The following UMODL1 variants were observed in gnomAD, a reference collection of about 807,000 sequenced individuals.
UMODL1 encodes uromodulin-like 1.
UMODL1 carries 128 observed loss-of-function variants against 136.3 expected under a neutral mutation model. The observed-to-expected ratio is 0.94, with a 90% CI of 0.81 to 1.09. The LOEUF (loss-of-function observed/expected upper bound fraction) is 1.09. Among genes scored for constraint, UMODL1 ranks in the 50% least tolerant of loss-of-function variants. UMODL1 has a pLI of 0.00. For synonymous variants in UMODL1, 721 were observed against 720.0 expected, an observed-to-expected ratio of 1.00 and a Z score of -0.02; for missense variants, 1,766 against 1,725.6, an observed-to-expected ratio of 1.02 and a Z score of -0.41.
intron 2 of UMODL1, among the ~76,000 whole-genome samples, chr21:42,079,161 C>T (rs2066330864): frequency 6.6e-6 from 1 of 152,182 alleles, no homozygotes; most frequent in Non-Finnish European, 1.5e-5. Flanking sequence ...TCAGCAGCCC[C>T]TTCCTGCTCC....
At chr21:42,090,573 T>A (rs867655606) in intron 6 of UMODL1, 135 bp downstream of exon 6, 2 of 1,178,050 alleles carry the variant, frequency 1.7e-6, no homozygotes, top group Middle Eastern at 5.9e-4. Flanking sequence ...GCTTTTATTA[T>A]TATTTTCGCA....
At position 42,126,423 on chromosome 21, in the gene UMODL1, C is replaced by G. The variant is rs750178160; in HGVS notation, c.3226C>G (p.Leu1076Val). ...GGGCATCATCCACCACCTGAAGATC[C>G]TGAGCCCCATCTACTGCGCCTTCCA... Reference protein sequence around the residue: ...QEGIIHHLKILSPIYCAFQND... With the variant: ...QEGIIHHLKIVSPIYCAFQND... The change falls in exon 18 of 23, where the codon CTG (leucine) becomes GTG (valine). Residue 1076 changes from leucine to valine, a missense_variant. Leu to Val is a conservative substitution (Grantham distance 32). Transcript: ENST00000408910. 1 of 1,614,222 alleles carries G rather than the reference C, an allele frequency of 6.2e-7. No homozygotes were observed. Among genetic ancestry groups the G allele is most frequent in the Non-Finnish European group, 8.5e-7 (1 of 1,180,040 alleles).
At chr21:42,067,857 G>A (rs921697808), upstream of UMODL1, among the ~76,000 whole-genome samples, 7 of 152,368 alleles carry the variant, frequency 4.6e-5, no homozygotes, top group African/African-American at 1.4e-4. Context: ...ACTGCTGCCC[G>A]TGGAGGGCCA....
chr21:42,105,268 C>T (rs2066698769), intron 9 of UMODL1, among the ~76,000 whole-genome samples: 1 of 152,160 alleles, frequency 6.6e-6, no homozygotes, highest in African/African-American at 2.4e-5. Context: ...CAGGGTATGC[C>T]CCCAGCAGGG....
intron 9 of UMODL1, among the ~76,000 whole-genome samples, chr21:42,104,730 G>A (rs914352727): frequency 1.3e-5 from 2 of 152,202 alleles, no homozygotes; most frequent in East Asian, 3.9e-4. Flanking sequence ...GATTACAGGC[G>A]TGAGCCACCG....
chr21:42,127,370 T>C, intron 19 of UMODL1, 128 bp downstream of exon 19: 1 of 945,452 alleles, frequency 1.1e-6, no homozygotes, highest in African/African-American at 1.6e-5. Flanking sequence ...TAGGTAGGGC[T>C]CAGGAGTGCA....
chr21:42,086,434 G>T, intron 4 of UMODL1: 2 of 438,798 alleles, frequency 4.6e-6, no homozygotes, highest in South Asian at 3.2e-5. Flanking sequence ...CACACCTCAT[G>T]TTGTTCTGGG....
chr21:42,106,671 G>GC (rs1248213200), intron 9 of UMODL1, among the ~76,000 whole-genome samples: 1 of 152,154 alleles, frequency 6.6e-6, no homozygotes. Context: ...AGGCTGAGCC[G>GC]CCCCCCGCGC....
rs1353822085 is a variant in UMODL1, at chr21:42,127,003, C to G, written c.3294-3C>G. 1.3e-5 allele frequency: 21 copies of G among 1,613,236 alleles called. No individual in the cohort carries two copies. The highest frequency in any genetic ancestry group is 2.7e-5 in the African/African-American group (2 of 74,892). On this transcript the variant is annotated splice_polypyrimidine_tract_variant and splice_region_variant and intron_variant, in intron 18 of 22. Coordinates refer to ENST00000408910, the MANE Select transcript of UMODL1 (RefSeq NM_001004416.3). ...GCCTCCTGCAAGCTGCTTCCTCTTG[C>G]AGGGTTTACACCATCATCGAGGACC...
rs950730781 is a variant in UMODL1 at position 42,090,344 on chromosome 21, G to A, written c.837G>A (p.Arg279=). 2 of 1,614,190 alleles carry A rather than the reference G, an allele frequency of 1.2e-6. No homozygotes were observed. Among genetic ancestry groups the A allele is most frequent in the Non-Finnish European group, 1.7e-6 (2 of 1,180,028 alleles). The change falls in exon 6 of 23, where the codon AGG becomes AGA. Residue 279 remains arginine, a synonymous_variant. Transcript: ENST00000408910. Reference sequence around the variant, plus strand: ...AGGAGCTCAATGCCTGCTCTGGAAGGGAACTGTGCGCAAACCTGGAGGGCT... The same window carrying A: ...AGGAGCTCAATGCCTGCTCTGGAAGAGAACTGTGCGCAAACCTGGAGGGCT... ...FYEELNACSG[R]ELCANLEGSY... is the part of the protein sequence containing the mutation.
chr21:42,112,266 T>C (rs2066842709), intron 12 of UMODL1, among the ~76,000 whole-genome samples: 1 of 151,282 alleles, frequency 6.6e-6, no homozygotes, highest in Non-Finnish European at 1.5e-5. Context: ...CCGGCTCTTC[T>C]GTACTCCCAG....
intron 17 of UMODL1, 132 bp from the exon 18 acceptor site, chr21:42,126,213 G>A: frequency 1.5e-6 from 2 of 1,344,614 alleles, no homozygotes; most frequent in East Asian, 2.4e-5. Context: ...GAATCGCCAG[G>A]ATCTCGATGC....
intron 7 of UMODL1, chr21:42,101,651 C>T (rs983439466): frequency 4.7e-5 from 21 of 447,158 alleles, no homozygotes; most frequent in African/African-American, 3.2e-4. Flanking sequence ...TTTGCTTATG[C>T]CCCAAAATAA....
rs201283146 is a variant in UMODL1, at chr21:42,098,955, C to T, written c.961C>T (p.Leu321Phe). Residue 321 changes from leucine (L) to phenylalanine (F), a missense_variant, in exon 7 of 23, where the codon CTC becomes TTC. Physicochemically the swap from Leu to Phe is conservative, Grantham distance 22 (BLOSUM62 0). Transcript: ENST00000408910. ...DCPPVSDYVV[L>F]NVTSDSFQVS... ...TCCTCCAGTCAGTGACTACGTGGTC[C>T]TCAACGTCACCAGTGACAGTTTTCA... 8.9e-5 allele frequency: 143 copies of T among 1,614,084 alleles called. No homozygotes were observed. Among genetic ancestry groups the T allele is most frequent in the Non-Finnish European group, 1.0e-4 (119 of 1,180,044 alleles).
Position 42,127,185 on chromosome 21 carries a change from G to A in UMODL1, c.3473G>A (p.Trp1158Ter). The A allele has an allele frequency of 1.9e-6, 3 of 1,614,088 alleles. No individual in the cohort carries two copies. Among genetic ancestry groups the A allele is most frequent in the Non-Finnish European group, 2.5e-6 (3 of 1,180,030 alleles). ...CTCAAGGTGGTCCTGACGGAGTGCT[G>A]GGCAACCCCGTCTAGCAACGCCCGG... is the stretch of plus-strand genomic sequence containing the variant. ...SNLKVVLTEC[W>*]ATPSSNARDP... Residue 1158 changes from tryptophan (W) to a stop codon, truncating the protein, a stop_gained, in exon 19 of 23, where the codon TGG becomes TAG. Coordinates refer to ENST00000408910, the MANE Select transcript of UMODL1 (RefSeq NM_001004416.3). LOFTEE classifies it high-confidence loss of function.
At chr21:42,093,021 C>T (rs2066510693) in intron 6 of UMODL1, among the ~76,000 whole-genome samples, 1 of 152,228 alleles carries the variant, frequency 6.6e-6, no homozygotes, top group Admixed American at 6.5e-5. Flanking sequence ...TGGGCTCTCC[C>T]CCGCCCTCGG....
chr21:42,071,285 C>T, upstream of UMODL1: 2 of 1,510,636 alleles, frequency 1.3e-6, no homozygotes, highest in Non-Finnish European at 1.8e-6. Flanking sequence ...TGGTAGAGGC[C>T]CAGAGCCCTG....
chr21:42,132,002 A>T (rs2067140157), intron 21 of UMODL1, among the ~76,000 whole-genome samples: 1 of 152,226 alleles, frequency 6.6e-6, no homozygotes, highest in Admixed American at 6.5e-5. Flanking sequence ...ATCATAGGGA[A>T]TGTCATGACT....
chr21:42,083,414 T>C (rs951751213), intron 2 of UMODL1, among the ~76,000 whole-genome samples: 4 of 152,166 alleles, frequency 2.6e-5, no homozygotes, highest in African/African-American at 9.7e-5. Flanking sequence ...CAGGGACCCA[T>C]GCTGCACTCA....
Sources: allele counts gnomAD v4.1 joint callset (sites outside exome capture counted in the v4.1 genomes callset), GRCh38; gene constraint gnomAD v4.1.1; transcripts MANE v1.5; gene names NCBI Gene and HGNC (gene_info 2026-07-23, HGNC 2026-07-21).